The following SLC49A4 variants were observed in gnomAD, a reference collection of about 807,000 sequenced individuals.
The protein encoded by SLC49A4 is disrupted in renal cancer protein 2.
SLC49A4 carries 36 observed loss-of-function variants against 50.6 expected under a neutral mutation model. The ratio of observed to expected loss-of-function variants is 0.71; its 90% CI spans 0.55 to 0.94. The LOEUF is 0.94. Ranked by LOEUF, SLC49A4 falls within the 40% of genes least tolerant of loss-of-function variation. The pLI is 0.00. For missense variants in SLC49A4, 503 were observed against 605.7 expected, an observed-to-expected ratio of 0.83 and a Z score of 1.78; for synonymous variants, 248 against 241.2, an observed-to-expected ratio of 1.03 and a Z score of -0.26.
intron 2 of SLC49A4, among the ~76,000 whole-genome samples, chr3:122,824,729 T>TA: frequency 7.6e-6 from 1 of 132,342 alleles, no homozygotes; most frequent in African/African-American, 3.0e-5. Flanking sequence ...TTTTTTTCCT[T>TA]CTTTTTTTTT....
intron 4 of SLC49A4, among the ~76,000 whole-genome samples, chr3:122,843,297 C>T (rs1185764588): frequency 1.3e-5 from 2 of 151,896 alleles, no homozygotes; most frequent in African/African-American, 4.8e-5. Flanking sequence ...TCGGTATCAA[C>T]AATTGTCAGT....
chr3:122,795,657 G>C (rs1576286923), intron 1 of SLC49A4, 122 bp downstream of exon 1: 2 of 1,428,924 alleles, frequency 1.4e-6, no homozygotes, highest in Non-Finnish European at 1.8e-6. Flanking sequence ...AGGTGATAGA[G>C]TGTTGCTAGC....
At chr3:122,851,670 A>G (rs2107576263) in intron 5 of SLC49A4, among the ~76,000 whole-genome samples, 1 of 152,138 alleles carries the variant, frequency 6.6e-6, no homozygotes, top group African/African-American at 2.4e-5. Context: ...TCGTCTTGTT[A>G]GCTTGATGTC....
At chr3:122,857,044 G>T (rs935532811) in intron 6 of SLC49A4, among the ~76,000 whole-genome samples, 2 of 151,956 alleles carry the variant, frequency 1.3e-5, no homozygotes, top group African/African-American at 2.4e-5. Flanking sequence ...AGACTAAAAG[G>T]GTTGAGAAGA....
chr3:122,869,297 T>C (rs1394826470), intron 7 of SLC49A4, among the ~76,000 whole-genome samples: 1 of 152,194 alleles, frequency 6.6e-6, no homozygotes, highest in East Asian at 1.9e-4. Flanking sequence ...GAATTCTGTA[T>C]ATTTACAGAT....
At position 122,833,251 on chromosome 3, in the gene SLC49A4, T is replaced by C. The variant is rs1936630859; in HGVS notation, c.704-66T>C. ...GTGAGACCCTGTTTCAAAAAACAAA[T>C]AAATACTTGAAGTCTTCAACTTTTT... On this transcript the variant is annotated intron_variant, in intron 3 of 8. Coordinates refer to ENST00000261038, the MANE Select transcript of SLC49A4 (RefSeq NM_032839.3). 2.0e-6 allele frequency: 3 copies of C among 1,515,102 alleles called. No individual in the cohort carries two copies. The East Asian group carries it at 6.9e-5, about 35-fold the overall frequency. 93.9% of individuals were successfully genotyped at this position (1,515,102 alleles called of 1,614,324 possible).
At chr3:122,834,375 A>G (rs541729309) in intron 4 of SLC49A4, among the ~76,000 whole-genome samples, 336 of 152,298 alleles carry the variant, frequency 2.2e-3, no homozygotes, top group South Asian at 7.5e-3. Flanking sequence ...TTCTGTGACC[A>G]CAGTGGAATA....
chr3:122,840,168 T>C (rs1169910112), intron 4 of SLC49A4, among the ~76,000 whole-genome samples: 1 of 152,168 alleles, frequency 6.6e-6, no homozygotes, highest in South Asian at 2.1e-4. Flanking sequence ...TTCTGACTTA[T>C]AAGTGGGAGC....
intron 4 of SLC49A4, among the ~76,000 whole-genome samples, chr3:122,843,789 C>T (rs1454163505): frequency 6.6e-6 from 1 of 152,116 alleles, no homozygotes; most frequent in Admixed American, 6.5e-5. Flanking sequence ...TTTAGTTTTG[C>T]TTTTGTTTTT....
chr3:122,856,460 A>T, intron 6 of SLC49A4, 86 bp downstream of exon 6: 2 of 1,237,198 alleles, frequency 1.6e-6, no homozygotes, highest in Non-Finnish European at 2.3e-6. Context: ...TAAACATTAC[A>T]ATTCAGGGAA....
At chr3:122,868,129 A>C (rs1425999047) in intron 7 of SLC49A4, among the ~76,000 whole-genome samples, 1 of 152,170 alleles carries the variant, frequency 6.6e-6, no homozygotes, top group Non-Finnish European at 1.5e-5. Flanking sequence ...AAAAAAAAAA[A>C]AGTATTCACA....
intron 2 of SLC49A4, among the ~76,000 whole-genome samples, chr3:122,821,372 G>A (rs1576295902): frequency 6.6e-6 from 1 of 152,312 alleles, no homozygotes; most frequent in East Asian, 1.9e-4. Flanking sequence ...AGACTTCAGA[G>A]AAGAGGGAAG....
chr3:122,858,477 G>A (rs1301149747), intron 6 of SLC49A4, among the ~76,000 whole-genome samples: 1 of 152,092 alleles, frequency 6.6e-6, no homozygotes, highest in Non-Finnish European at 1.5e-5. Flanking sequence ...AACTTTTTCA[G>A]CATACCTAAG....
intron 1 of SLC49A4, among the ~76,000 whole-genome samples, chr3:122,799,728 T>C (rs1028825205): frequency 6.6e-6 from 1 of 152,198 alleles, no homozygotes; most frequent in African/African-American, 2.4e-5. Flanking sequence ...ATGATGGCTT[T>C]TGACTAAGGT....
chr3:122,814,233 A>T (rs143692539), intron 2 of SLC49A4, among the ~76,000 whole-genome samples: 410 of 152,276 alleles, frequency 2.7e-3, no homozygotes, highest in African/African-American at 9.4e-3. Context: ...GCGCCACTGC[A>T]CTCCAGCCTG....
chr3:122,800,817 G>A (rs921561340), intron 1 of SLC49A4, among the ~76,000 whole-genome samples: 4 of 152,218 alleles, frequency 2.6e-5, no homozygotes, highest in Non-Finnish European at 5.9e-5. Flanking sequence ...GAAACAAAAT[G>A]ATCCCCTGAT....
chr3:122,845,994 C>A, intron 5 of SLC49A4, 123 bp downstream of exon 5: 1 of 496,200 alleles, frequency 2.0e-6, no homozygotes, highest in Non-Finnish European at 3.3e-6. Flanking sequence ...ACCATTGTTG[C>A]AAAAGCAAGA....
At chr3:122,817,500 T>C (rs990120220) in intron 2 of SLC49A4, among the ~76,000 whole-genome samples, 9 of 152,306 alleles carry the variant, frequency 5.9e-5, no homozygotes, top group South Asian at 2.1e-4. Context: ...TAATTTGTTA[T>C]AGCAGGACTA....
rs570278030 is a variant in SLC49A4, at chr3:122,868,714, A to G, written c.1139-3701A>G. On this transcript the variant is annotated intron_variant, in intron 7 of 8. Coordinates refer to ENST00000261038, the MANE Select transcript of SLC49A4 (RefSeq NM_032839.3). ...ACCCCTTCCTGGGTAAATTATTGTG[A>G]TTCTTTACTTTCTGCATTTCCACAT... 1.2e-4 allele frequency among the ~76,000 whole-genome samples: 18 copies of G among 152,306 alleles called. 1 individual carries two copies. The Middle Eastern group carries it at 0.017, about 144-fold the overall frequency.
Sources: gnomAD v4.1 joint callset for allele counts (sites outside exome capture counted in the v4.1 genomes callset) on GRCh38, gnomAD v4.1.1 for gene constraint, MANE v1.5 for transcripts, NCBI Gene and HGNC (gene_info 2026-07-23, HGNC 2026-07-21) for gene names.